Variants in KLHL2 observed in about 807,000 individuals in gnomAD.
The protein encoded by KLHL2 is kelch-like protein 2.
KLHL2 carries 15 observed loss-of-function variants against 75.8 expected under a neutral mutation model. That is an observed-to-expected ratio of 0.20 (90% confidence interval 0.13 to 0.30). The LOEUF (loss-of-function observed/expected upper bound fraction) is 0.30. Ranked by LOEUF, KLHL2 falls within the 10% of genes least tolerant of loss-of-function variation. The probability of loss-of-function intolerance (pLI) is 1.00; values close to 1 mark genes in which losing one functional copy is unlikely to be tolerated. For synonymous variants in KLHL2, 214 were observed against 251.9 expected, an observed-to-expected ratio of 0.85 and a Z score of 1.42; for missense variants, 381 against 741.0, an observed-to-expected ratio of 0.51 and a Z score of 5.64.
chr4:165,222,056 G>A (rs1738038735), intron 2 of KLHL2, among the ~76,000 whole-genome samples: 1 of 152,014 alleles, frequency 6.6e-6, no homozygotes, highest in Admixed American at 6.6e-5. Context: ...TGGGGCACGG[G>A]TAGCCTTGGC....
chr4:165,232,539 T>G (rs1191900525), intron 3 of KLHL2, among the ~76,000 whole-genome samples: 2 of 151,894 alleles, frequency 1.3e-5, no homozygotes, highest in East Asian at 3.9e-4. Flanking sequence ...TAAACCAGCC[T>G]GGGAGAAATA....
chr4:165,321,985 G>A, intron 14 of KLHL2, 47 bp from the exon 15 acceptor site: 1 of 1,572,992 alleles, frequency 6.4e-7, no homozygotes, highest in East Asian at 2.2e-5. Context: ...CAGAGATACA[G>A]AGTGCTGCCT....
At chr4:165,270,431 G>T (rs765551684) in intron 5 of KLHL2, among the ~76,000 whole-genome samples, 12 of 152,144 alleles carry the variant, frequency 7.9e-5, no homozygotes, top group Non-Finnish European at 1.5e-4. Context: ...CACCTTTTCT[G>T]CTCTGGTTTC....
chr4:165,244,172 AT>A (rs1427479279), intron 4 of KLHL2, among the ~76,000 whole-genome samples: 1 of 151,778 alleles, frequency 6.6e-6, no homozygotes, highest in Non-Finnish European at 1.5e-5. Context: ...GAAAACATTT[AT>A]TTTTTTTCCA....
At chr4:165,285,682 C>T (rs1744034906) in intron 5 of KLHL2, among the ~76,000 whole-genome samples, 1 of 152,134 alleles carries the variant, frequency 6.6e-6, no homozygotes, top group African/African-American at 2.4e-5. Context: ...GCTGGGATTA[C>T]AGGCATGAGC....
chr4:165,219,078 G>A (rs1359238366), intron 1 of KLHL2, among the ~76,000 whole-genome samples: 1 of 152,094 alleles, frequency 6.6e-6, no homozygotes, highest in South Asian at 2.1e-4. Context: ...CTCCTCATGG[G>A]ACCCTGATTT....
chr4:165,311,108 C>T (rs930812996), intron 10 of KLHL2, among the ~76,000 whole-genome samples: 6 of 152,108 alleles, frequency 3.9e-5, no homozygotes, highest in East Asian at 1.9e-4. Context: ...CCGCCCACCT[C>T]GGCCTCCCAA....
intron 2 of KLHL2, among the ~76,000 whole-genome samples, chr4:165,225,465 A>G (rs954938889): frequency 4.6e-5 from 7 of 152,242 alleles, no homozygotes; most frequent in African/African-American, 1.4e-4. Context: ...CAACTTATTT[A>G]TACCATTATT....
intron 8 of KLHL2, among the ~76,000 whole-genome samples, chr4:165,303,814 C>G (rs1745530673): frequency 1.3e-5 from 2 of 152,118 alleles, no homozygotes; most frequent in Non-Finnish European, 2.9e-5. Flanking sequence ...TCCAACCGCA[C>G]TGGCCTCCCA....
intron 4 of KLHL2, among the ~76,000 whole-genome samples, chr4:165,247,942 T>G (rs879891009): frequency 2.6e-5 from 4 of 152,206 alleles, no homozygotes; most frequent in Non-Finnish European, 4.4e-5. Context: ...CACTTAATAC[T>G]TAGTATAGAG....
Position 165,310,725 on chromosome 4 carries a change from T to G in KLHL2, c.1212T>G (p.Ala404=). 6.2e-7 allele frequency: 1 copy of G among 1,613,618 alleles called. No homozygotes were observed. The highest frequency in any genetic ancestry group is 8.5e-7 in the Non-Finnish European group (1 of 1,179,832). The change falls in exon 10 of 15, where the codon GCT becomes GCG. Residue 404 remains alanine, a synonymous_variant. Transcript: ENST00000226725. ...CTGTGTTAAATGGATTATTATACGC[T>G]GTGGGAGGCTTTGATGGGAGTACAG... is the stretch of plus-strand genomic sequence containing the variant. The part of the protein sequence containing the change: ...GAAVLNGLLY[A]VGGFDGSTGL...
At chr4:165,316,723 C>T (rs1746611948) in intron 13 of KLHL2, among the ~76,000 whole-genome samples, 1 of 151,882 alleles carries the variant, frequency 6.6e-6, no homozygotes, top group South Asian at 2.1e-4. Flanking sequence ...TCATTGGTAA[C>T]AGCAAAAAAA....
intron 5 of KLHL2, among the ~76,000 whole-genome samples, chr4:165,288,035 T>C (rs1744216902): frequency 6.6e-6 from 1 of 152,204 alleles, no homozygotes; most frequent in Non-Finnish European, 1.5e-5. Context: ...TTTGTCTTCG[T>C]TGCCTGAGCT....
intron 5 of KLHL2, among the ~76,000 whole-genome samples, chr4:165,286,750 G>A (rs1744123422): frequency 6.6e-6 from 1 of 152,190 alleles, no homozygotes; most frequent in Non-Finnish European, 1.5e-5. Context: ...GTCTGGTGTG[G>A]AGGCTGACAA....
intron 5 of KLHL2, among the ~76,000 whole-genome samples, chr4:165,264,704 G>GTGTGTATATATATATATATATATATATA (rs1323043527): frequency 1.2e-5 from 1 of 82,846 alleles, no homozygotes; most frequent in Non-Finnish European, 2.2e-5. Context: ...GTGTGTGTGT[G>GTGTGTATATATATATATATATATATATA]TATATATATA....
Position 165,314,069 on chromosome 4 carries a change from T to C in KLHL2, c.1512T>C (p.His504=). ...ATTTATTGTATGCTGTAGGAGGTCA[T>C]GATGGCCCTTTAGTACGAAAAAGTG... ...LNNLLYAVGG[H]DGPLVRKSVE... is the part of the protein sequence containing the mutation. The change falls in exon 13 of 15, where the codon CAT becomes CAC. Residue 504 remains histidine (H), a synonymous_variant. Transcript: ENST00000226725. The C allele has an allele frequency of 1.2e-6, 2 of 1,613,878 alleles. No individual in the cohort carries two copies. The highest frequency in any genetic ancestry group is 1.1e-5 in the South Asian group (1 of 91,078).
intron 5 of KLHL2, among the ~76,000 whole-genome samples, chr4:165,284,072 A>C (rs1159094819): frequency 6.6e-6 from 1 of 152,160 alleles, no homozygotes; most frequent in Non-Finnish European, 1.5e-5. Flanking sequence ...TCAGCCTATG[A>C]AACCACTTTT....
intron 5 of KLHL2, 121 bp downstream of exon 5, chr4:165,263,480 T>C: frequency 7.2e-7 from 1 of 1,386,096 alleles, no homozygotes; most frequent in South Asian, 1.5e-5. Flanking sequence ...AAAATACATT[T>C]AAAATCTTAT....
chr4:165,276,516 T>A (rs1348873788), intron 5 of KLHL2, among the ~76,000 whole-genome samples: 2 of 152,146 alleles, frequency 1.3e-5, no homozygotes, highest in Admixed American at 1.3e-4. Context: ...CTAACTTTTT[T>A]TTTTTTCACT....
Sources: gnomAD v4.1 joint callset for allele counts (sites outside exome capture counted in the v4.1 genomes callset) on GRCh38, gnomAD v4.1.1 for gene constraint, MANE v1.5 for transcripts, NCBI Gene and HGNC (gene_info 2026-07-23, HGNC 2026-07-21) for gene names.